RBM25: variants seen among roughly 807,000 people sequenced by gnomAD.
RBM25 encodes RNA binding motif protein 25.
Under a neutral mutation model 120.7 loss-of-function variants are expected in RBM25, and 19 were observed. That is an observed-to-expected ratio of 0.16 (90% CI 0.11 to 0.23). The LOEUF is 0.23. Among genes scored for constraint, RBM25 ranks in the 10% least tolerant of loss-of-function variants. The pLI is 1.00. For missense variants in RBM25, 605 were observed against 1,041.5 expected, an observed-to-expected ratio of 0.58 and a Z score of 5.77; for synonymous variants, 390 against 326.7, an observed-to-expected ratio of 1.19 and a Z score of -2.09.
chr14:73,096,264 A>G (rs906773082), intron 6 of RBM25, among the ~76,000 whole-genome samples: 3 of 152,162 alleles, frequency 2.0e-5, no homozygotes, highest in Non-Finnish European at 4.4e-5. Flanking sequence ...GGAGTGAGCC[A>G]CTGCGCCTGG....
At chr14:73,060,883 G>A (rs1894987835) in intron 1 of RBM25, among the ~76,000 whole-genome samples, 1 of 151,292 alleles carries the variant, frequency 6.6e-6, no homozygotes, top group Non-Finnish European at 1.5e-5. Flanking sequence ...TTGCTAGTAA[G>A]TTGCAGATGT....
intron 6 of RBM25, among the ~76,000 whole-genome samples, chr14:73,094,300 A>G (rs1019118133): frequency 6.6e-6 from 1 of 151,520 alleles, no homozygotes; most frequent in Admixed American, 6.6e-5. Context: ...AATATTAGCA[A>G]TCAGTTAAGA....
chr14:73,092,896 C>A (rs1895850797), intron 6 of RBM25, among the ~76,000 whole-genome samples: 1 of 152,158 alleles, frequency 6.6e-6, no homozygotes, highest in African/African-American at 2.4e-5. Flanking sequence ...GAATTTTGCG[C>A]ATGTGTAAGG....
rs546697617 is a variant in RBM25 at position 73,123,470 on chromosome 14, G to T, written c.*3665G>T. ...AGTCTTCTGTTAAGTATGAAATTGA[G>T]AAATAGTTTTGCTCAACAAAAGATG... On this transcript the variant is annotated 3_prime_UTR_variant, in exon 19 of 19. Transcript: ENST00000261973. 1.3e-5 allele frequency: 2 copies of T among 152,252 alleles called. No homozygotes were observed. The highest frequency in any genetic ancestry group is 2.9e-5 in the Non-Finnish European group (2 of 68,030). 9.4% of individuals were successfully genotyped at this position (152,252 alleles called of 1,614,324 possible). A position where few individuals can be genotyped will look rare whatever the true frequency, so the allele number is the denominator to read the frequency against.
intron 3 of RBM25, 77 bp from the exon 4 acceptor site, chr14:73,077,292 G>A: frequency 1.6e-6 from 2 of 1,265,388 alleles, no homozygotes; most frequent in Non-Finnish European, 2.2e-6. Context: ...ATTTAATCCT[G>A]ATGTTTTTAG....
intron 18 of RBM25, among the ~76,000 whole-genome samples, chr14:73,115,401 C>T (rs146677433): frequency 2.0e-5 from 3 of 152,250 alleles, no homozygotes; most frequent in East Asian, 3.9e-4. Context: ...ATTTAGCTCC[C>T]GCTTATAAGT....
intron 13 of RBM25, chr14:73,109,107 T>C: frequency 3.4e-6 from 1 of 289,890 alleles, no homozygotes. Flanking sequence ...AGACACTTAT[T>C]AGAATGACTT....
chr14:73,113,499 C>T (rs1301602202), intron 17 of RBM25, among the ~76,000 whole-genome samples: 7 of 151,610 alleles, frequency 4.6e-5, no homozygotes, highest in African/African-American at 1.2e-4. Flanking sequence ...GAGACCAGCC[C>T]GGCCAATATG....
chr14:73,103,946 TCTCA>T (rs1414845133), intron 10 of RBM25, among the ~76,000 whole-genome samples: 130 of 43,914 alleles, frequency 3.0e-3, no homozygotes, highest in Non-Finnish European at 3.9e-3. Context: ...TCTCTCTCTC[TCTCA>T]CACACACACA....
At chr14:73,105,036 A>AACACAC (rs1372981431) in intron 10 of RBM25, among the ~76,000 whole-genome samples, 1 of 10,744 alleles carries the variant, frequency 9.3e-5, no homozygotes, top group African/African-American at 4.0e-4. Context: ...ATACATATTA[A>AACACAC]ATACACACAC....
chr14:73,067,121 G>A (rs900412658), intron 1 of RBM25, among the ~76,000 whole-genome samples: 3 of 143,576 alleles, frequency 2.1e-5, no homozygotes, highest in South Asian at 4.3e-4. Flanking sequence ...CCAGGCTGAC[G>A]TGCAATGGCA....
chr14:73,103,574 T>G (rs566560910), intron 10 of RBM25, 96 bp downstream of exon 10: 154 of 1,480,446 alleles, frequency 1.0e-4, no homozygotes, highest in Admixed American at 2.5e-4. Flanking sequence ...ATGAGAACTT[T>G]TGTGTGTGTG....
chr14:73,063,311 G>A lies in RBM25; in HGVS notation c.-16+4606G>A, dbSNP rs575934978. Among the ~76,000 whole-genome samples the A allele has an allele frequency of 8.6e-5, 13 of 150,982 alleles. 1 individual carries two copies. Among genetic ancestry groups the A allele is most frequent in the Non-Finnish European group, 1.9e-4 (13 of 67,346 alleles). On this transcript the variant is annotated intron_variant, in intron 1 of 18. Transcript: ENST00000261973. ...ACTACAGGCGCCTGCCACTATGCCC[G>A]GCTAAATTTTTGTATTTTTAGTAGA...
chr14:73,106,677 G>T (rs1896195691), intron 12 of RBM25, among the ~76,000 whole-genome samples: 1 of 152,034 alleles, frequency 6.6e-6, no homozygotes, highest in Non-Finnish European at 1.5e-5. Context: ...TTTACTATTG[G>T]TTTAGAGTTG....
intron 7 of RBM25, 88 bp from the exon 8 acceptor site, chr14:73,099,292 G>A (rs1031731172): frequency 2.6e-5 from 31 of 1,180,216 alleles, no homozygotes; most frequent in East Asian, 7.0e-5. Context: ...TATTGTTCAC[G>A]TCATAAATGT....
intron 2 of RBM25, among the ~76,000 whole-genome samples, chr14:73,073,771 A>G (rs925465021): frequency 6.6e-6 from 1 of 152,214 alleles, no homozygotes; most frequent in African/African-American, 2.4e-5. Flanking sequence ...TATTTTAGAC[A>G]TTATGCTTGT....
intron 1 of RBM25, among the ~76,000 whole-genome samples, chr14:73,064,111 C>T (rs576855501): frequency 2.0e-5 from 3 of 151,412 alleles, no homozygotes; most frequent in Admixed American, 2.0e-4. Flanking sequence ...GAGGCCTAAT[C>T]GCTGTATTTA....
At chr14:73,110,440 T>C (rs1896287772) in intron 14 of RBM25, among the ~76,000 whole-genome samples, 2 of 151,794 alleles carry the variant, frequency 1.3e-5, no homozygotes, top group Admixed American at 6.6e-5. Flanking sequence ...TTTTTCTTTT[T>C]CTTTTTTTTT....
At chr14:73,070,107 A>G (rs1188809432) in intron 1 of RBM25, among the ~76,000 whole-genome samples, 1 of 151,210 alleles carries the variant, frequency 6.6e-6, no homozygotes, top group African/African-American at 2.4e-5. Flanking sequence ...CCCGAGACAG[A>G]GTCTTCCCCT....
Sources: allele counts gnomAD v4.1 joint callset (sites outside exome capture counted in the v4.1 genomes callset), GRCh38; gene constraint gnomAD v4.1.1; transcripts MANE v1.5; gene names NCBI Gene and HGNC (gene_info 2026-07-23, HGNC 2026-07-21).